Variants in HOMER1 observed in about 807,000 individuals in gnomAD.
HOMER1 encodes homer scaffold protein 1.
Under a neutral mutation model 48.9 loss-of-function variants are expected in HOMER1, and 3 were observed. That is an observed-to-expected ratio of 0.06 (90% CI 0.03 to 0.16). HOMER1 has a LOEUF of 0.16. Ranked by LOEUF, HOMER1 falls within the 10% of genes least tolerant of loss-of-function variation. The pLI is 1.00. For missense variants in HOMER1, 247 were observed against 411.4 expected, an observed-to-expected ratio of 0.60 and a Z score of 3.46; for synonymous variants, 134 against 146.4, an observed-to-expected ratio of 0.92 and a Z score of 0.61.
intron 1 of HOMER1, among the ~76,000 whole-genome samples, chr5:79,501,191 G>C (rs780393347): frequency 6.6e-6 from 1 of 150,902 alleles, no homozygotes; most frequent in Non-Finnish European, 1.5e-5. Flanking sequence ...GGCTGGTCTC[G>C]AACTGGTAAG....
At chr5:79,442,961 A>G (rs1207257086) in intron 4 of HOMER1, among the ~76,000 whole-genome samples, 2 of 152,178 alleles carry the variant, frequency 1.3e-5, no homozygotes, top group Non-Finnish European at 2.9e-5. Context: ...AGTTCTTATA[A>G]TCTGACTTTC....
Position 79,447,067 on chromosome 5 carries a change from T to A in HOMER1, c.373A>T (p.Ser125Cys). 6.2e-7 allele frequency: 1 copy of A among 1,600,090 alleles called. No homozygotes were observed. The highest frequency in any genetic ancestry group is 8.6e-7 in the Non-Finnish European group (1 of 1,167,232). ...GATATACCCACCTGTGAAGGTGTAC[T>A]GGTAAGTTCCATCTTCTCTTGTGAT... is the stretch of plus-strand genomic sequence containing the variant. ...EKSQEKMELT[S>C]TPSQESAGGD... The change falls in exon 4 of 9, where the codon AGT (serine) becomes TGT (cysteine). Residue 125 changes from serine to cysteine, a missense_variant. Coordinates refer to ENST00000334082, the MANE Select transcript of HOMER1 (RefSeq NM_004272.5).
intron 3 of HOMER1, 53 bp from the exon 4 acceptor site, chr5:79,447,198 C>G: frequency 9.6e-7 from 1 of 1,041,052 alleles, no homozygotes; most frequent in Non-Finnish European, 1.5e-6. Context: ...GTCACAGTGC[C>G]CACTTTTACC....
chr5:79,501,132 G>A (rs898334492), intron 1 of HOMER1, among the ~76,000 whole-genome samples: 1 of 151,520 alleles, frequency 6.6e-6, no homozygotes, highest in Non-Finnish European at 1.5e-5. Context: ...CACCAAGCCT[G>A]GCTAATGTTT....
At chr5:79,467,840 G>A (rs980127228) in intron 1 of HOMER1, among the ~76,000 whole-genome samples, 13 of 152,060 alleles carry the variant, frequency 8.5e-5, no homozygotes, top group African/African-American at 1.7e-4. Flanking sequence ...GCAGTGGTGC[G>A]ATCAGAGCTC....
chr5:79,499,831 T>C (rs971075992), intron 1 of HOMER1, among the ~76,000 whole-genome samples: 1 of 152,240 alleles, frequency 6.6e-6, no homozygotes, highest in African/African-American at 2.4e-5. Context: ...TGAGCTCAAG[T>C]GTTCTGTCTG....
chr5:79,390,226 T>C (rs1424456086), intron 8 of HOMER1, among the ~76,000 whole-genome samples: 2 of 151,992 alleles, frequency 1.3e-5, no homozygotes, highest in African/African-American at 2.4e-5. Flanking sequence ...GTCGAGACTG[T>C]AGGAATCTGT....
chr5:79,502,840 G>C (rs372202627), intron 1 of HOMER1, among the ~76,000 whole-genome samples: 1 of 152,164 alleles, frequency 6.6e-6, no homozygotes, highest in African/African-American at 2.4e-5. Context: ...GCCCAGGCTG[G>C]AGTGCAGTGG....
rs951812269 is a variant in HOMER1 at position 79,374,447 on chromosome 5, C to G, written c.*1562G>C. ...TACGTACATACACATACATAAAAAA[C>G]AAAATTGTCTAGTATTGAGTAGCTG... On this transcript the variant is annotated 3_prime_UTR_variant, in exon 9 of 9. Coordinates refer to ENST00000334082, the MANE Select transcript of HOMER1 (RefSeq NM_004272.5). 7.2e-5 allele frequency: 11 copies of G among 152,150 alleles called. No homozygotes were observed. Among genetic ancestry groups the G allele is most frequent in the Admixed American group, 6.6e-4 (10 of 15,240 alleles). 9.4% of individuals were successfully genotyped at this position (152,150 alleles called of 1,614,324 possible).
chr5:79,400,179 T>C (rs1372746043), intron 6 of HOMER1, among the ~76,000 whole-genome samples: 2 of 152,134 alleles, frequency 1.3e-5, no homozygotes, highest in African/African-American at 4.8e-5. Flanking sequence ...TATATTCACA[T>C]TGCTGTGAAA....
intron 5 of HOMER1, among the ~76,000 whole-genome samples, chr5:79,409,083 A>AG (rs1162246531): frequency 7.2e-6 from 1 of 138,484 alleles, no homozygotes; most frequent in Admixed American, 7.4e-5. Context: ...TTTTGTCTTG[A>AG]GAAAAAAAAA....
Position 79,375,274 on chromosome 5 carries a change from T to C in HOMER1, c.*735A>G, listed in dbSNP as rs975442135. ...CTCAGCTGCCTTCGTTAGTTGGCTTTAAAATGTGTAATAAAATGGGAGACA... is the reference window on the plus strand; with the variant it reads ...CTCAGCTGCCTTCGTTAGTTGGCTTCAAAATGTGTAATAAAATGGGAGACA... On this transcript the variant is annotated 3_prime_UTR_variant, in exon 9 of 9. Transcript: ENST00000334082. 6.6e-6 allele frequency: 1 copy of C among 152,092 alleles called. No homozygotes were observed. The highest frequency in any genetic ancestry group is 2.4e-5 in the African/African-American group (1 of 41,460). 9.4% of individuals were successfully genotyped at this position (152,092 alleles called of 1,614,324 possible).
At chr5:79,472,772 C>T (rs1751658660) in intron 1 of HOMER1, among the ~76,000 whole-genome samples, 1 of 151,238 alleles carries the variant, frequency 6.6e-6, no homozygotes, top group Admixed American at 6.6e-5. Context: ...GAGTGAGACC[C>T]TGTCTCTAAA....
At chr5:79,386,216 A>C (rs1282082153) in intron 8 of HOMER1, among the ~76,000 whole-genome samples, 1 of 152,238 alleles carries the variant, frequency 6.6e-6, no homozygotes, top group Non-Finnish European at 1.5e-5. Context: ...AATCAACCTA[A>C]GTGTCCATTA....
chr5:79,502,919 T>C (rs1482898194), intron 1 of HOMER1, among the ~76,000 whole-genome samples: 1 of 152,058 alleles, frequency 6.6e-6, no homozygotes, highest in Non-Finnish European at 1.5e-5. Context: ...GCCTCCCGAG[T>C]AGCTGTGACT....
chr5:79,500,644 T>C (rs1327293208), intron 1 of HOMER1, among the ~76,000 whole-genome samples: 4 of 148,730 alleles, frequency 2.7e-5, no homozygotes, highest in Non-Finnish European at 6.0e-5. Flanking sequence ...TTTTTTTTTT[T>C]CTGAGACAGA....
In HOMER1 at chr5:79,439,064, T is replaced by G. The variant is rs778764151; in HGVS notation, c.473A>C (p.Gln158Pro). 6.2e-7 allele frequency: 1 copy of G among 1,613,940 alleles called. No homozygotes were observed. Among genetic ancestry groups the G allele is most frequent in the South Asian group, 1.1e-5 (1 of 91,080 alleles). The part of the protein sequence containing the change: ...TDDERTPDVT[Q>P]NSEPRAEPTQ... ...TGGTTCAGCCCTTGGCTCTGAGTTC[T>G]GTGTCACATCAGGTGTTCTTTCATC... The change falls in exon 5 of 9, where the codon CAG becomes CCG. Residue 158 changes from glutamine (Q) to proline (P), a missense_variant. Around this residue, in one of 4 missense-constraint regions of HOMER1, gnomAD observed 94 missense variants for 112.4 expected, o/e 0.84. Coordinates refer to ENST00000334082, the MANE Select transcript of HOMER1 (RefSeq NM_004272.5).
chr5:79,396,869 G>C lies in HOMER1; in HGVS notation c.830C>G (p.Ala277Gly), dbSNP rs1464410220. 1.2e-6 allele frequency: 2 copies of C among 1,602,566 alleles called. No individual in the cohort carries two copies. The highest frequency in any genetic ancestry group is 8.5e-7 in the Non-Finnish European group (1 of 1,171,402). ...ATCCCTCTGTTCTTGTAGTTCTCTG[G>C]CATTATCAATTTCTTGTTTTAACCT... ...IERLKQEIDN[A>G]RELQEQRDSL... is the part of the protein sequence containing the mutation. Residue 277 changes from alanine (A) to glycine (G), a missense_variant, in exon 8 of 9, where the codon GCC becomes GGC. Ala to Gly is a moderately conservative substitution (Grantham distance 60, BLOSUM62 0). Coordinates refer to ENST00000334082, the MANE Select transcript of HOMER1 (RefSeq NM_004272.5).
intron 5 of HOMER1, among the ~76,000 whole-genome samples, chr5:79,411,039 T>C (rs1749801562): frequency 6.6e-6 from 1 of 152,188 alleles, no homozygotes; most frequent in Non-Finnish European, 1.5e-5. Flanking sequence ...GCAAACCAAT[T>C]CTTTATTCTT....
Sources: gnomAD v4.1 joint callset for allele counts (sites outside exome capture counted in the v4.1 genomes callset) on GRCh38, gnomAD v4.1.1 for gene constraint, gnomAD v4.1.1 regional missense constraint, MANE v1.5 for transcripts, NCBI Gene and HGNC (gene_info 2026-07-23, HGNC 2026-07-21) for gene names.